Variants in ZBTB34 observed in about 807,000 individuals in gnomAD.
The protein encoded by ZBTB34 is zinc finger and BTB domain containing 34.
In ZBTB34, 1 loss-of-function variant was observed where a neutral mutation model predicts 33.4. The observed-to-expected ratio is 0.03, with a 90% CI of 0.01 to 0.14. The LOEUF (loss-of-function observed/expected upper bound fraction) is 0.14, where lower values mean the gene tolerates loss of function less well. Ranked by LOEUF, ZBTB34 falls within the 10% of genes least tolerant of loss-of-function variation. ZBTB34 has a pLI of 1.00. For synonymous variants in ZBTB34, 283 were observed against 253.5 expected, an observed-to-expected ratio of 1.12 and a Z score of -1.11; for missense variants, 406 against 657.2, an observed-to-expected ratio of 0.62 and a Z score of 4.18.
At chr9:126,874,142 C>T (rs1453878857) in intron 1 of ZBTB34, among the ~76,000 whole-genome samples, 4 of 144,022 alleles carry the variant, frequency 2.8e-5, no homozygotes, top group African/African-American at 7.7e-5. Context: ...TCCAGGTTCA[C>T]GCCAGTCTCC....
exon 1 of ZBTB34, chr9:126,860,678 G>T: frequency 6.8e-6 from 1 of 147,726 alleles, no homozygotes; most frequent in South Asian, 1.8e-4. Context: ...GGACTGGCCT[G>T]GCGCCGGCGG....
exon 2 of ZBTB34, chr9:126,882,505 T>G (rs1166389968): frequency 1.8e-5 from 3 of 167,084 alleles, no homozygotes; most frequent in Non-Finnish European, 4.4e-5. Context: ...TTTACAAGAT[T>G]GCTTCGGTAC....
exon 2 of ZBTB34, chr9:126,885,000 G>T (rs1245279264): frequency 6.0e-6 from 1 of 166,958 alleles, no homozygotes; most frequent in Non-Finnish European, 1.5e-5. Flanking sequence ...ATATATGAAA[G>T]TATTGGGGAA....
chr9:126,866,600 A>T (rs534822514), intron 1 of ZBTB34, among the ~76,000 whole-genome samples: 4 of 152,192 alleles, frequency 2.6e-5, no homozygotes, highest in Admixed American at 1.3e-4. Context: ...TTGATTTTTT[A>T]AAAATCTTTT....
chr9:126,880,754 G>C lies in ZBTB34; in HGVS notation c.1355G>C (p.Arg452Pro). Residue 452 changes from arginine (R) to proline (P), a missense_variant, in exon 2 of 2, where the codon CGG becomes CCG. Physicochemically the swap from Arg to Pro is moderately radical, Grantham distance 103. This residue lies in a region of ZBTB34 where 36 missense variants were observed against 109.4 expected (regional missense o/e 0.33). Coordinates refer to ENST00000319119, the Ensembl canonical transcript of ZBTB34. The surrounding 1 kb of genome is among the most constrained non-coding windows in gnomAD (Gnocchi z 6.7). Reference sequence around the variant, plus strand: ...CAAGGTACCCTCAACCAGCACTTGCGGAAAAACCACCCAGGCGTTGCTGAA... The same window carrying C: ...CAAGGTACCCTCAACCAGCACTTGCCGAAAAACCACCCAGGCGTTGCTGAA... 1 of 1,613,690 alleles carries C rather than the reference G, an allele frequency of 6.2e-7. No individual in the cohort carries two copies. Among genetic ancestry groups the C allele is most frequent in the Non-Finnish European group, 8.5e-7 (1 of 1,179,872 alleles).
Position 126,879,802 on chromosome 9 carries a change from G to T in ZBTB34, c.403G>T (p.Val135Phe), listed in dbSNP as rs576828106. 16 of 1,613,196 alleles carry T rather than the reference G, an allele frequency of 9.9e-6. No homozygotes were observed. Among genetic ancestry groups the T allele is most frequent in the Non-Finnish European group, 1.4e-5 (16 of 1,179,898 alleles). The change falls in exon 2 of 2, where the codon GTT (valine) becomes TTT (phenylalanine). Residue 135 changes from valine to phenylalanine, a missense_variant. By Grantham distance (50) the Val-to-Phe change is conservative. Transcript: ENST00000319119. The surrounding 1 kb of genome is among the most constrained non-coding windows in gnomAD (Gnocchi z 6.4). ...AGAGAGCATCCATTCCAAAATCAGC[G>T]TTGGAGATGTTGACTCTGTTACCGT...
At chr9:126,863,122 G>C (rs1057078620) in intron 1 of ZBTB34, among the ~76,000 whole-genome samples, 2 of 152,142 alleles carry the variant, frequency 1.3e-5, no homozygotes, top group African/African-American at 4.8e-5. Flanking sequence ...GAGGCTGTGG[G>C]GAAAGAACAG....
exon 2 of ZBTB34, chr9:126,884,352 T>G (rs1252918663): frequency 6.0e-6 from 1 of 167,094 alleles, no homozygotes; most frequent in African/African-American, 2.4e-5. Context: ...TGTAAATACA[T>G]TTAGAAATTA....
At chr9:126,869,583 G>T (rs974758466) in intron 1 of ZBTB34, among the ~76,000 whole-genome samples, 1 of 152,146 alleles carries the variant, frequency 6.6e-6, no homozygotes, top group African/African-American at 2.4e-5. Context: ...GCCCAGGCTG[G>T]TGTGGGGGCG....
chr9:126,870,945 C>T (rs1231316321), intron 1 of ZBTB34, among the ~76,000 whole-genome samples: 1 of 151,734 alleles, frequency 6.6e-6, no homozygotes, highest in Non-Finnish European at 1.5e-5. Flanking sequence ...AAAAGCAGCA[C>T]ATCAAAACAA....
intron 1 of ZBTB34, among the ~76,000 whole-genome samples, chr9:126,873,231 CA>C (rs2033304781): frequency 6.6e-6 from 1 of 152,062 alleles, no homozygotes. Flanking sequence ...TAAGTTTTGC[CA>C]ATTTGAGAAA....
At chr9:126,863,507 TC>T (rs1259570979) in intron 1 of ZBTB34, among the ~76,000 whole-genome samples, 2 of 152,244 alleles carry the variant, frequency 1.3e-5, no homozygotes, top group African/African-American at 2.4e-5. Context: ...TACGTTTTAT[TC>T]CCGTTAATGT....
rs1366495856 is a variant in ZBTB34, at chr9:126,879,295, A to G, written c.-10-95A>G. Reference sequence around the variant, plus strand: ...TCAGGTAGATTTTAGGAGGTATGATAGCCACAATGGTATTGTTGTTGTAAG... The same window carrying G: ...TCAGGTAGATTTTAGGAGGTATGATGGCCACAATGGTATTGTTGTTGTAAG... On this transcript the variant is annotated intron_variant, in intron 1 of 1. Transcript: ENST00000319119. The surrounding 1 kb of genome is among the most constrained non-coding windows in gnomAD (Gnocchi z 6.4). The G allele has an allele frequency of 1.2e-5, 12 of 1,019,974 alleles. No individual in the cohort carries two copies. The highest frequency in any genetic ancestry group is 1.7e-5 in the Non-Finnish European group (12 of 696,936). 63.2% of individuals were successfully genotyped at this position (1,019,974 alleles called of 1,614,324 possible).
chr9:126,881,863 A>G (rs1340795966), exon 2 of ZBTB34: 1 of 166,926 alleles, frequency 6.0e-6, no homozygotes, highest in Non-Finnish European at 1.5e-5. Flanking sequence ...ACTAAATCGA[A>G]TCACTCTCTA....
Position 126,879,904 on chromosome 9 carries a change from C to G in ZBTB34, c.505C>G (p.Pro169Ala). ...CTTTGCCAACCCAGTGGAGATCTCT[C>G]CTCCATATTGCTCTCAGGGACGGCA... Residue 169 changes from proline (P) to alanine (A), a missense_variant, in exon 2 of 2, where the codon CCT (proline) becomes GCT (alanine). By Grantham distance (27) the Pro-to-Ala change is conservative. This residue lies in a region of ZBTB34 where 137 missense variants were observed against 173.0 expected (regional missense o/e 0.79). Coordinates refer to ENST00000319119, the Ensembl canonical transcript of ZBTB34. This position sits in a 1 kb window ranked among gnomAD's most constrained non-coding sequence, Gnocchi z 6.4. The G allele has an allele frequency of 6.2e-7, 1 of 1,610,228 alleles. No homozygotes were observed. The highest frequency in any genetic ancestry group is 8.5e-7 in the Non-Finnish European group (1 of 1,178,756).
chr9:126,866,636 T>C (rs1276917803), intron 1 of ZBTB34, among the ~76,000 whole-genome samples: 1 of 152,192 alleles, frequency 6.6e-6, no homozygotes, highest in Non-Finnish European at 1.5e-5. Flanking sequence ...AGCCTTGTAT[T>C]GTTCCTTGTA....
In ZBTB34 at chr9:126,862,149, C is replaced by T. The variant is rs574345498; in HGVS notation, c.-11+1410C>T. ...GTTTAGTGAGGGGCGGGATTTGAGCCGGGTGTTAAAGGATGAGTAGCATTC... is the reference window on the plus strand; with the variant it reads ...GTTTAGTGAGGGGCGGGATTTGAGCTGGGTGTTAAAGGATGAGTAGCATTC... On this transcript the variant is annotated intron_variant, in intron 1 of 1. Coordinates refer to ENST00000319119, the Ensembl canonical transcript of ZBTB34. 2.3e-4 allele frequency among the ~76,000 whole-genome samples: 35 copies of T among 152,110 alleles called. 1 individual carries two copies. The South Asian group carries it at 6.4e-3, about 28-fold the overall frequency.
At position 126,879,356 on chromosome 9, in the gene ZBTB34, A is replaced by T; in HGVS notation, c.-10-34A>T. 6.5e-7 allele frequency: 1 copy of T among 1,544,820 alleles called. No homozygotes were observed. Among genetic ancestry groups the T allele is most frequent in the Non-Finnish European group, 8.8e-7 (1 of 1,138,704 alleles). ...TGCCACTTGTACTTAGTGAGGAGTC[A>T]TTGGTGAATGATGCAAACTCTCTCT... On this transcript the variant is annotated intron_variant, in intron 1 of 1. Coordinates refer to ENST00000319119, the Ensembl canonical transcript of ZBTB34. The surrounding 1 kb of genome is among the most constrained non-coding windows in gnomAD (Gnocchi z 6.4).
exon 2 of ZBTB34, chr9:126,881,087 C>T (rs1379278232): frequency 5.5e-6 from 4 of 732,654 alleles, no homozygotes; most frequent in South Asian, 2.0e-5. Context: ...CCTGCCCTCC[C>T]TCCCCGAAGG....
Sources: gnomAD v4.1 joint callset for allele counts (sites outside exome capture counted in the v4.1 genomes callset) on GRCh38, gnomAD v4.1.1 for gene constraint, gnomAD v4.1.1 regional missense constraint, Gnocchi (gnomAD v3.1) non-coding constraint, MANE v1.5 for transcripts, NCBI Gene and HGNC (gene_info 2026-07-23, HGNC 2026-07-21) for gene names.